The following BRD2 variants were observed in gnomAD, a reference collection of about 807,000 sequenced individuals.
BRD2 encodes the protein bromodomain containing 2.
Under a neutral mutation model 79.1 loss-of-function variants are expected in BRD2, and 15 were observed. That is an observed-to-expected ratio of 0.19 (90% CI 0.13 to 0.29). BRD2 has a LOEUF of 0.29. Ranked by LOEUF, BRD2 falls within the 10% of genes least tolerant of loss-of-function variation. The probability of loss-of-function intolerance (pLI) is 1.00; values close to 1 mark genes in which losing one functional copy is unlikely to be tolerated. For synonymous variants in BRD2, 488 were observed against 358.6 expected, an observed-to-expected ratio of 1.36 and a Z score of -4.08; for missense variants, 1,053 against 991.3, an observed-to-expected ratio of 1.06 and a Z score of -0.84.
chr6:32,977,749 CT>C lies in BRD2; in HGVS notation c.1330-5del. The stretch of plus-strand genomic sequence containing the variant: ...TCAGCATAGTTTTGAGTTTGTGCCT[CT>C]TTGTAGGATGTATTTGAGTTCCGTT... On this transcript the variant is annotated splice_polypyrimidine_tract_variant and splice_region_variant and intron_variant, in intron 8 of 12. Transcript: ENST00000374825. The C allele has an allele frequency of 6.2e-7, 1 of 1,612,830 alleles. No individual in the cohort carries two copies.
intron 2 of BRD2, chr6:32,973,234 CG>C: frequency 7.4e-7 from 1 of 1,350,314 alleles, no homozygotes. Context: ...GCAGGTTTGG[CG>C]TTTGGTGGGT....
At position 32,972,484 on chromosome 6, in the gene BRD2, T is replaced by G; in HGVS notation, c.-415T>G. 6.8e-6 allele frequency: 2 copies of G among 294,514 alleles called. No individual in the cohort carries two copies. The highest frequency in any genetic ancestry group is 7.8e-5 in the East Asian group (1 of 12,842). 18.2% of individuals were successfully genotyped at this position (294,514 alleles called of 1,614,324 possible). A position where few individuals can be genotyped will look rare whatever the true frequency, so the allele number is the denominator to read the frequency against. On this transcript the variant is annotated 5_prime_UTR_variant, in exon 2 of 13. Transcript: ENST00000374825. ...GGAGGCGGCGGCTCCCTAAACCACT[T>G]TTCGTGTTCATCCGCCTCCATCCGA...
intron 3 of BRD2, 61 bp downstream of exon 3, chr6:32,974,826 G>A (rs1217575926): frequency 3.2e-6 from 5 of 1,571,098 alleles, no homozygotes; most frequent in Non-Finnish European, 4.3e-6. Context: ...GTGAATGGGG[G>A]TGGTCTGCCT....
intron 11 of BRD2, 102 bp from the exon 12 acceptor site, chr6:32,980,240 G>A (rs1315605988): frequency 6.3e-7 from 1 of 1,575,824 alleles, no homozygotes; most frequent in Non-Finnish European, 8.6e-7. Flanking sequence ...GGGATGTGTT[G>A]GTTGGCAGCT....
At chr6:32,974,393 G>A in intron 2 of BRD2, 69 bp from the exon 3 acceptor site, 2 of 1,496,904 alleles carry the variant, frequency 1.3e-6, no homozygotes, top group Non-Finnish European at 1.8e-6. Flanking sequence ...GGATTCATCA[G>A]ACTATTGTGC....
At chr6:32,977,351 CAA>C in intron 7 of BRD2, 89 bp from the exon 8 acceptor site, 10 of 1,609,692 alleles carry the variant, frequency 6.2e-6, no homozygotes, top group African/African-American at 1.3e-5. Flanking sequence ...ACTGTGCTCT[CAA>C]GAGAGGGCTC....
chr6:32,971,615 T>TA lies in BRD2; in HGVS notation c.-1283dup, dbSNP rs1235563749. The TA allele has an allele frequency of 2.2e-6, 1 of 454,422 alleles. No individual in the cohort carries two copies. The highest frequency in any genetic ancestry group is 4.4e-5 in the South Asian group (1 of 22,506). The allele number at this position is 454,422 out of a possible 1,614,324, so 28.1% of individuals were successfully genotyped here. On this transcript the variant is annotated 5_prime_UTR_variant, in exon 2 of 13. An upstream open reading frame in the 5' UTR gains an earlier in-frame stop. Coordinates refer to ENST00000374825, the MANE Select transcript of BRD2 (RefSeq NM_005104.4). ...TTCAGATTCTTCGCTGCTGCTGCCT[T>TA]ACCGCCGAGAACCACCACCCGCCAG... is the stretch of plus-strand genomic sequence containing the variant.
At chr6:32,973,053 G>C (rs1159466355) in intron 2 of BRD2, 126 bp downstream of exon 2, 1 of 1,603,294 alleles carries the variant, frequency 6.2e-7, no homozygotes, top group East Asian at 2.3e-5. Flanking sequence ...CTGTCGACTC[G>C]GTCGCGCGGA....
chr6:32,974,099 GTTTGAGT>G (rs1778394423), intron 2 of BRD2, among the ~76,000 whole-genome samples: 1 of 152,024 alleles, frequency 6.6e-6, no homozygotes, highest in Non-Finnish European at 1.5e-5. Flanking sequence ...GAAGCTTGGG[GTTTGAGT>G]TTCTTAACTC....
At position 32,979,953 on chromosome 6, in the gene BRD2, A is replaced by G. The variant is rs1582930648; in HGVS notation, c.1967A>G (p.Lys656Arg). The change falls in exon 11 of 13, where the codon AAA (lysine) becomes AGA (arginine). Residue 656 changes from lysine to arginine, a missense_variant. Physicochemically the swap from Lys to Arg is conservative, Grantham distance 26. Around this residue, in one of 5 missense-constraint regions of BRD2, gnomAD observed 44 missense variants for 73.7 expected, o/e 0.60. Transcript: ENST00000374825. ...EKRQLSLDIN[K>R]LPGEKLGRVV... ...CGGCAGCTGAGCCTGGACATCAACAAATTACCTGGGGAGAAGCTGGGCCGA... is the reference window on the plus strand; with the variant it reads ...CGGCAGCTGAGCCTGGACATCAACAGATTACCTGGGGAGAAGCTGGGCCGA... The G allele has an allele frequency of 6.2e-7, 1 of 1,613,158 alleles. No individual in the cohort carries two copies.
chr6:32,968,678 C>A lies in BRD2; in HGVS notation c.-1683C>A, dbSNP rs1777665435. 1 of 153,350 alleles carries A rather than the reference C, an allele frequency of 6.5e-6. No individual in the cohort carries two copies. Among genetic ancestry groups the A allele is most frequent in the Non-Finnish European group, 1.5e-5 (1 of 68,754 alleles). The allele number at this position is 153,350 out of a possible 1,614,324, so 9.5% of individuals were successfully genotyped here. ...GAGTCCAGGACTGCGGGATAGGAAG[C>A]TGGGGATATGGACAAGCAGCAGCGT... is the stretch of plus-strand genomic sequence containing the variant. On this transcript the variant is annotated 5_prime_UTR_variant, in exon 1 of 13. It adds an upstream start codon to the 5' untranslated region. Coordinates refer to ENST00000374825, the MANE Select transcript of BRD2 (RefSeq NM_005104.4).
At position 32,976,074 on chromosome 6, in the gene BRD2, T is replaced by G. The variant is rs766813268; in HGVS notation, c.515T>G (p.Ile172Arg). ...IVLMAQTLEK[I>R]FLQKVASMPQ... The stretch of plus-strand genomic sequence containing the variant: ...CTAATGGCACAAACGCTGGAAAAGA[T>G]ATTCCTACAGAAGGTTGCATCAATG... Residue 172 changes from isoleucine to arginine, a missense_variant, in exon 5 of 13, where the codon ATA (isoleucine) becomes AGA (arginine). Transcript: ENST00000374825. 2 of 1,612,772 alleles carry G rather than the reference T, an allele frequency of 1.2e-6. No homozygotes were observed. The highest frequency in any genetic ancestry group is 2.2e-5 in the East Asian group (1 of 44,884).
chr6:32,975,545 T>A (rs779500327), intron 4 of BRD2, 24 bp downstream of exon 4: 1 of 1,610,038 alleles, frequency 6.2e-7, no homozygotes, highest in South Asian at 1.1e-5. Context: ...TGTGTTCATT[T>A]AGTAGGTGGG....
At position 32,976,259 on chromosome 6, in the gene BRD2, G is replaced by A. The variant is rs766446366; in HGVS notation, c.620G>A (p.Gly207Asp). 2 of 1,612,884 alleles carry A rather than the reference G, an allele frequency of 1.2e-6. No individual in the cohort carries two copies. Among genetic ancestry groups the A allele is most frequent in the Non-Finnish European group, 1.7e-6 (2 of 1,179,940 alleles). ...TTTTCCTTTTTTCTAGCGCTCCAGG[G>A]CAGTGTTACCAGTGCCCATCAGGTG... Reference protein sequence around the residue: ...KKGAKLAALQGSVTSAHQVPA... With the variant: ...KKGAKLAALQDSVTSAHQVPA... The change falls in exon 6 of 13, where the codon GGC becomes GAC. Residue 207 changes from glycine to aspartate, a missense_variant. Physicochemically the swap from Gly to Asp is moderately conservative, Grantham distance 94. Around this residue, in one of 5 missense-constraint regions of BRD2, gnomAD observed 413 missense variants for 335.1 expected, o/e 1.23. Transcript: ENST00000374825.
At chr6:32,969,835 C>G (rs372372528) in intron 1 of BRD2, among the ~76,000 whole-genome samples, 1 of 152,142 alleles carries the variant, frequency 6.6e-6, no homozygotes, top group Non-Finnish European at 1.5e-5. Context: ...TTCACAGCTC[C>G]CAAGGTTTCG....
intron 2 of BRD2, 60 bp downstream of exon 2, chr6:32,972,987 T>C: frequency 6.2e-7 from 1 of 1,613,862 alleles, no homozygotes; most frequent in Non-Finnish European, 8.5e-7. Flanking sequence ...CACAGGGGTG[T>C]GGGGCGCCGT....
At chr6:32,971,510 C>T (rs1445795800) in intron 1 of BRD2, 85 bp from the exon 2 acceptor site, 1 of 431,350 alleles carries the variant, frequency 2.3e-6, no homozygotes, top group Non-Finnish European at 4.1e-6. Context: ...GTTAGATCCC[C>T]TCATCGCCGT....
intron 3 of BRD2, 200 bp downstream of exon 3, chr6:32,974,965 C>A (rs976285671): frequency 1.4e-6 from 2 of 1,457,742 alleles, no homozygotes; most frequent in Non-Finnish European, 1.9e-6. Flanking sequence ...TGGCATCTTT[C>A]CTTGTGCCCT....
Position 32,980,883 on chromosome 6 carries a change from T to C in BRD2, c.*165T>C. The C allele has an allele frequency of 1.3e-6, 1 of 783,214 alleles. No homozygotes were observed. The highest frequency in any genetic ancestry group is 1.7e-5 in the African/African-American group (1 of 57,340). The allele number at this position is 783,214 out of a possible 1,614,324, so 48.5% of individuals were successfully genotyped here. A position where few individuals can be genotyped will look rare whatever the true frequency, so the allele number is the denominator to read the frequency against. Reference sequence around the variant, plus strand: ...AGTGGGGGAGGGATGCAGGGACATTTACTGAAGGAGGGACATGGACAAAAC... The same window carrying C: ...AGTGGGGGAGGGATGCAGGGACATTCACTGAAGGAGGGACATGGACAAAAC... On this transcript the variant is annotated 3_prime_UTR_variant, in exon 13 of 13. Coordinates refer to ENST00000374825, the MANE Select transcript of BRD2 (RefSeq NM_005104.4).
Sources: allele counts gnomAD v4.1 joint callset (sites outside exome capture counted in the v4.1 genomes callset), GRCh38; gene constraint gnomAD v4.1.1; regional missense constraint gnomAD v4.1.1; transcripts MANE v1.5; gene names NCBI Gene and HGNC (gene_info 2026-07-23, HGNC 2026-07-21).